Variants in INTS10 observed in about 807,000 individuals in gnomAD.
INTS10 encodes the protein integrator complex subunit 10.
A neutral mutation model predicts 94.4 loss-of-function variants in INTS10; 44 were observed. That is an observed-to-expected ratio of 0.47 (90% CI 0.37 to 0.60). The LOEUF (loss-of-function observed/expected upper bound fraction) is 0.60. Among genes scored for constraint, INTS10 ranks in the 20% least tolerant of loss-of-function variants. INTS10 has a pLI of 0.00. For missense variants in INTS10, 797 were observed against 868.7 expected (o/e 0.92, Z 1.04); for synonymous variants, 341 against 320.7 (o/e 1.06, Z -0.68).
At chr8:19,840,493 G>T (rs910963870) in intron 13 of INTS10, among the ~76,000 whole-genome samples, 1 of 152,004 alleles carries the variant, frequency 6.6e-6, no homozygotes, top group African/African-American at 2.4e-5. Flanking sequence ...GTCAAAACAG[G>T]TTTTAAAAAG....
At chr8:19,818,571 A>G (rs748281454) in intron 2 of INTS10, 13 of 546,430 alleles carry the variant, frequency 2.4e-5, no homozygotes, top group Non-Finnish European at 3.6e-5. Context: ...CTTCTGTTTC[A>G]TAATTTATTC....
At chr8:19,839,016 A>T (rs1235559730) in intron 13 of INTS10, among the ~76,000 whole-genome samples, 1 of 151,972 alleles carries the variant, frequency 6.6e-6, no homozygotes, top group African/African-American at 2.4e-5. Flanking sequence ...AGGTTGCAGT[A>T]AGCTGAGATT....
rs775951855 is a variant in INTS10 at position 19,818,318 on chromosome 8, C to A, written c.173C>A (p.Thr58Asn). 1 of 1,614,196 alleles carries A rather than the reference C, an allele frequency of 6.2e-7. No individual in the cohort carries two copies. The highest frequency in any genetic ancestry group is 8.5e-7 in the Non-Finnish European group (1 of 1,180,026). ...GAGCGGAATGCAGAGCGGACCGCCA[C>A]CGCCGGGAGGCTGCTGTACGACATG... ...TIERNAERTATAGRLLYDMFV... is the reference protein window; with the variant it reads ...TIERNAERTANAGRLLYDMFV... Residue 58 changes from threonine (T) to asparagine (N), a missense_variant, in exon 2 of 17, where the codon ACC becomes AAC. Thr to Asn is a moderately conservative substitution (Grantham distance 65). This residue lies in a region of INTS10 where 734 missense variants were observed against 787.8 expected (regional missense o/e 0.93). Coordinates refer to ENST00000397977, the MANE Select transcript of INTS10 (RefSeq NM_018142.4).
At position 19,824,989 on chromosome 8, in the gene INTS10, T is replaced by C; in HGVS notation, c.1006+17T>C. The C allele has an allele frequency of 6.2e-7, 1 of 1,610,476 alleles. No individual in the cohort carries two copies. Among genetic ancestry groups the C allele is most frequent in the East Asian group, 2.2e-5 (1 of 44,808 alleles). The stretch of plus-strand genomic sequence containing the variant: ...TCTTCCAAGGTTGGTTTACAAATTT[T>C]AGAGTGTCCAAAAAGCCAGTTCATA... On this transcript the variant is annotated intron_variant, in intron 8 of 16. Coordinates refer to ENST00000397977, the MANE Select transcript of INTS10 (RefSeq NM_018142.4).
chr8:19,845,811 CTT>C lies in INTS10; in HGVS notation c.1976+17_1976+18del. On this transcript the variant is annotated intron_variant, in intron 16 of 16. Coordinates refer to ENST00000397977, the MANE Select transcript of INTS10 (RefSeq NM_018142.4). ...AATGCTGATCAAGTAAGCATGTTCT[CTT>C]TTGCTCTTCCATGCTGAGTGCTCAC... 6.3e-7 allele frequency: 1 copy of C among 1,575,312 alleles called. No individual in the cohort carries two copies. The highest frequency in any genetic ancestry group is 8.7e-7 in the Non-Finnish European group (1 of 1,144,650).
Position 19,843,998 on chromosome 8 carries a change from G to T in INTS10, c.1720-78G>T, listed in dbSNP as rs148347811. Reference sequence around the variant, plus strand: ...CATTTGCATATACAGCATATTTTTGGAAAGTGATGTTTGCTGTATTTCAGA... The same window carrying T: ...CATTTGCATATACAGCATATTTTTGTAAAGTGATGTTTGCTGTATTTCAGA... On this transcript the variant is annotated intron_variant, in intron 14 of 16. Coordinates refer to ENST00000397977, the MANE Select transcript of INTS10 (RefSeq NM_018142.4). This position sits in a 1 kb window ranked among gnomAD's most constrained non-coding sequence, Gnocchi z 4.7. The T allele has an allele frequency of 2.1e-5, 25 of 1,178,682 alleles. No homozygotes were observed. In the African/African-American group the frequency reaches 3.1e-4, roughly 14 times the overall value. 73.0% of individuals were successfully genotyped at this position (1,178,682 alleles called of 1,614,324 possible). A position where few individuals can be genotyped will look rare whatever the true frequency, so the allele number is the denominator to read the frequency against.
chr8:19,824,065 A>C (rs748891181), intron 7 of INTS10, 21 bp downstream of exon 7: 3 of 1,550,070 alleles, frequency 1.9e-6, no homozygotes, highest in Non-Finnish European at 2.6e-6. Context: ...GCTTATTTCC[A>C]GAATTGCCTA....
In INTS10 at chr8:19,823,599, C is replaced by G. The variant is rs1412676591; in HGVS notation, c.664+158C>G. 7.7e-6 allele frequency: 5 copies of G among 650,432 alleles called. No homozygotes were observed. The South Asian group carries it at 9.9e-5, about 13-fold the overall frequency. The allele number at this position is 650,432 out of a possible 1,614,324, so 40.3% of individuals were successfully genotyped here. A position where few individuals can be genotyped will look rare whatever the true frequency, so the allele number is the denominator to read the frequency against. On this transcript the variant is annotated intron_variant, in intron 6 of 16. Transcript: ENST00000397977. ...AGAAAAAAAATACTAAAAGATGAGG[C>G]TTTTCTGGAAGCAATGCCACCCCTT...
chr8:19,851,909 C>A lies in INTS10; in HGVS notation c.*104C>A. 4 of 1,033,002 alleles carry A rather than the reference C, an allele frequency of 3.9e-6. No homozygotes were observed. The highest frequency in any genetic ancestry group is 5.7e-6 in the Non-Finnish European group (4 of 705,188). The allele number at this position is 1,033,002 out of a possible 1,614,324, so 64.0% of individuals were successfully genotyped here. On this transcript the variant is annotated 3_prime_UTR_variant, in exon 17 of 17. Coordinates refer to ENST00000397977, the MANE Select transcript of INTS10 (RefSeq NM_018142.4). The surrounding 1 kb of genome is among the most constrained non-coding windows in gnomAD (Gnocchi z 5.0). ...AGAGCCGTGGTCATTGTTGCTGTTA[C>A]AAAGAAGAAAACCATCTGAGTTCTA...
At chr8:19,845,531 A>C in intron 15 of INTS10, 173 bp from the exon 16 acceptor site, 1 of 603,502 alleles carries the variant, frequency 1.7e-6, no homozygotes. Context: ...TTAGTGGGGT[A>C]GCAATGGGCA....
At chr8:19,828,162 GACC>G (rs2066947369) in intron 9 of INTS10, among the ~76,000 whole-genome samples, 2 of 152,062 alleles carry the variant, frequency 1.3e-5, no homozygotes, top group Middle Eastern at 3.2e-3. Flanking sequence ...AGTGAGTGAT[GACC>G]ACACCACCGC....
rs539647055 is a variant in INTS10, at chr8:19,839,642, G to A, written c.1639+2482G>A. The stretch of plus-strand genomic sequence containing the variant: ...GAGCCCAGGAGGTCAAAGCTGTGGT[G>A]AGCTATGATTGTGTCACTGCACTCC... On this transcript the variant is annotated intron_variant, in intron 13 of 16. Coordinates refer to ENST00000397977, the MANE Select transcript of INTS10 (RefSeq NM_018142.4). 2.8e-3 allele frequency among the ~76,000 whole-genome samples: 427 copies of A among 152,132 alleles called. 5 individuals are homozygous for A. Among genetic ancestry groups the A allele is most frequent in the South Asian group, 0.012 (59 of 4,818 alleles).
At position 19,845,717 on chromosome 8, in the gene INTS10, G is replaced by A. The variant is rs2068521358; in HGVS notation, c.1896G>A (p.Leu632=). 13 of 1,612,872 alleles carry A rather than the reference G, an allele frequency of 8.1e-6. No individual in the cohort carries two copies. In the East Asian group the frequency reaches 2.7e-4, roughly 33 times the overall value. Residue 632 remains leucine (L), a synonymous_variant, in exon 16 of 17, where the codon CTG becomes CTA. Transcript: ENST00000397977. The part of the protein sequence containing the change: ...FFNYVTNIDM[L]EEFAYLRTQE... ...TCTGGCCTGCAGATATTGATATGCT[G>A]GAGGAATTTGCCTACTTGAGAACTC... is the stretch of plus-strand genomic sequence containing the variant.
chr8:19,836,661 A>G (rs969582405), intron 12 of INTS10, among the ~76,000 whole-genome samples: 1 of 152,104 alleles, frequency 6.6e-6, no homozygotes, highest in African/African-American at 2.4e-5. Flanking sequence ...GCTCTATATC[A>G]TACTCCTTAG....
Position 19,842,853 on chromosome 8 carries a change from G to T in INTS10, c.1645G>T (p.Asp549Tyr). 1.2e-6 allele frequency: 2 copies of T among 1,609,836 alleles called. No homozygotes were observed. The change falls in exon 14 of 17, where the codon GAT becomes TAT. Residue 549 changes from aspartate (D) to tyrosine (Y), a missense_variant. Physicochemically the swap from Asp to Tyr is radical, Grantham distance 160. This residue lies in a region of INTS10 where 734 missense variants were observed against 787.8 expected (regional missense o/e 0.93). Coordinates refer to ENST00000397977, the MANE Select transcript of INTS10 (RefSeq NM_018142.4). ...KVKPKFRKGS[D>Y]LKLLPCTSKA... is the part of the protein sequence containing the mutation. ...ACATTGTGGACTTCTGTTAGGTTCG[G>T]ATCTGAAGCTCCTGCCTTGTACCAG...
chr8:19,823,780 C>A, intron 6 of INTS10, 93 bp from the exon 7 acceptor site: 2 of 1,131,280 alleles, frequency 1.8e-6, no homozygotes, highest in Non-Finnish European at 2.5e-6. Context: ...GTGCTCTGTG[C>A]ATTTTCATGG....
intron 9 of INTS10, among the ~76,000 whole-genome samples, chr8:19,827,568 G>A (rs2066901589): frequency 6.6e-6 from 1 of 152,088 alleles, no homozygotes; most frequent in Admixed American, 6.5e-5. Flanking sequence ...GCAGGTGTGT[G>A]GTGAGCATCT....
chr8:19,844,320 TGGATAGAAATAATGA>T, intron 15 of INTS10, 82 bp downstream of exon 15: 1 of 1,025,158 alleles, frequency 9.8e-7, no homozygotes, highest in Non-Finnish European at 1.4e-6. Context: ...TGAACCATTC[TGGATAGAAATAATGA>T]TTTTTACTAT....
At chr8:19,840,507 CAATT>C (rs1563436176) in intron 13 of INTS10, among the ~76,000 whole-genome samples, 2 of 152,056 alleles carry the variant, frequency 1.3e-5, no homozygotes, top group African/African-American at 4.8e-5. Flanking sequence ...TAAAAAGACA[CAATT>C]AAGTGACTTA....
Sources: allele counts gnomAD v4.1 joint callset (sites outside exome capture counted in the v4.1 genomes callset), GRCh38; gene constraint gnomAD v4.1.1; regional missense constraint gnomAD v4.1.1; non-coding constraint Gnocchi (gnomAD v3.1); transcripts MANE v1.5; gene names NCBI Gene and HGNC (gene_info 2026-07-23, HGNC 2026-07-21).